SYNE1: variants seen among roughly 807,000 people sequenced by gnomAD.
SYNE1 encodes nesprin-1.
Under a neutral mutation model 1,111.0 loss-of-function variants are expected in SYNE1, and 616 were observed. The observed-to-expected ratio is 0.55, with a 90% CI of 0.52 to 0.59. SYNE1 has a LOEUF of 0.59. Ranked by LOEUF, SYNE1 falls within the 20% of genes least tolerant of loss-of-function variation. The pLI, the probability that SYNE1 is intolerant of heterozygous loss-of-function variation, is 0.00. For synonymous variants in SYNE1, 3,855 were observed against 3,825.8 expected, an observed-to-expected ratio of 1.01 and a Z score of -0.28; for missense variants, 10,006 against 10,417.0, an observed-to-expected ratio of 0.96 and a Z score of 1.72.
intron 61 of SYNE1, chr6:152,367,673 G>A: frequency 2.4e-6 from 1 of 412,284 alleles, no homozygotes; most frequent in South Asian, 2.3e-5. Flanking sequence ...GCCTTGTCTG[G>A]GAGACTGGTC....
intron 30 of SYNE1, among the ~76,000 whole-genome samples, chr6:152,444,193 C>T (rs185901933): frequency 8.7e-4 from 133 of 152,250 alleles, no homozygotes; most frequent in Non-Finnish European, 1.2e-3. Context: ...TCAAGTCACT[C>T]GGTCTGGAAA....
chr6:152,142,516 A>G (rs1438174233), intron 138 of SYNE1, among the ~76,000 whole-genome samples: 2 of 152,236 alleles, frequency 1.3e-5, no homozygotes, highest in Non-Finnish European at 2.9e-5. Flanking sequence ...TTCATTTTTA[A>G]TATCACATAC....
chr6:152,391,976 C>T (rs2154135120), intron 51 of SYNE1, among the ~76,000 whole-genome samples: 2 of 152,302 alleles, frequency 1.3e-5, no homozygotes, highest in South Asian at 4.2e-4. Flanking sequence ...TGTCTTGTAT[C>T]TACATGGAGA....
intron 3 of SYNE1, among the ~76,000 whole-genome samples, chr6:152,606,377 T>C (rs1400062647): frequency 1.3e-5 from 2 of 152,174 alleles, no homozygotes; most frequent in African/African-American, 4.8e-5. Context: ...TGCAAAATTC[T>C]TCAAGGGCAA....
chr6:152,538,561 T>C (rs188009879), intron 4 of SYNE1, among the ~76,000 whole-genome samples: 15 of 152,204 alleles, frequency 9.9e-5, no homozygotes, highest in Admixed American at 3.3e-4. Flanking sequence ...AAAAGTTTCA[T>C]TATTAATATT....
chr6:152,197,587 A>G (rs894848064), intron 127 of SYNE1, among the ~76,000 whole-genome samples: 3 of 152,216 alleles, frequency 2.0e-5, no homozygotes, highest in Non-Finnish European at 2.9e-5. Flanking sequence ...AGTCTTGTAC[A>G]TCTCCATCTC....
In SYNE1 at chr6:152,380,518, A is replaced by G. The variant is rs115807691; in HGVS notation, c.9009+488T>C. On this transcript the variant is annotated intron_variant, in intron 56 of 145. Transcript: ENST00000367255. ...AGAGTTCTGTTAACAGGCTAATTCA[A>G]GAACAGCTGTCAAAACCACACAGAG... 1,031 of 163,130 alleles carry G rather than the reference A, an allele frequency of 6.3e-3. 14 individuals carry two copies. Among genetic ancestry groups the G allele is most frequent in the African/African-American group, 0.024 (983 of 41,566 alleles). The allele number at this position is 163,130 out of a possible 1,614,324, so 10.1% of individuals were successfully genotyped here.
chr6:152,500,256 C>A (rs2099021993), intron 10 of SYNE1, among the ~76,000 whole-genome samples: 1 of 152,168 alleles, frequency 6.6e-6, no homozygotes, highest in Admixed American at 6.5e-5. Flanking sequence ...GCAATATTAT[C>A]AAAACCCAGC....
intron 126 of SYNE1, 126 bp from the exon 127 acceptor site, chr6:152,202,075 G>T (rs761690189): frequency 1.6e-4 from 199 of 1,251,002 alleles, no homozygotes; most frequent in Non-Finnish European, 1.9e-4. Context: ...GGCTGAGTGT[G>T]GTGGCTCACG....
chr6:152,218,087 C>T lies in SYNE1; in HGVS notation c.22191+170G>A, dbSNP rs9479269. On this transcript the variant is annotated intron_variant, in intron 121 of 145. Coordinates refer to ENST00000367255, the MANE Select transcript of SYNE1 (RefSeq NM_182961.4). Reference sequence around the variant, plus strand: ...GCGTGCCCCTATAATCCTAGCTACTCGGGAGGATGAGGCAGAATCGCTTGA... The same window carrying T: ...GCGTGCCCCTATAATCCTAGCTACTTGGGAGGATGAGGCAGAATCGCTTGA... 0.056 allele frequency among the ~76,000 whole-genome samples: 8,546 copies of T among 151,584 alleles called. 829 individuals carry two copies. Among genetic ancestry groups the T allele is most frequent in the African/African-American group, 0.2 (8,116 of 41,242 alleles).
chr6:152,488,656 A>C (rs761203274), intron 11 of SYNE1, among the ~76,000 whole-genome samples, 153 bp from the exon 12 acceptor site: 6 of 152,212 alleles, frequency 3.9e-5, no homozygotes, highest in African/African-American at 7.2e-5. Context: ...CCTTTAGGAC[A>C]GTAAGAAGCA....
intron 128 of SYNE1, among the ~76,000 whole-genome samples, chr6:152,186,539 A>C: frequency 7.5e-6 from 1 of 132,988 alleles, no homozygotes; most frequent in East Asian, 2.4e-4. Context: ...CTGGGCAACA[A>C]GAGAGCAGCT....
At chr6:152,622,307 G>A (rs554387659) in intron 3 of SYNE1, among the ~76,000 whole-genome samples, 1 of 152,166 alleles carries the variant, frequency 6.6e-6, no homozygotes, top group South Asian at 2.1e-4. Context: ...ACATGTGCAG[G>A]TATGTTACAT....
intron 37 of SYNE1, 74 bp from the exon 38 acceptor site, chr6:152,427,890 GAGGGTCCAAC>G: frequency 1.2e-6 from 2 of 1,603,706 alleles, no homozygotes; most frequent in South Asian, 2.2e-5. Context: ...TGTGAAGTTG[GAGGGTCCAAC>G]ACAAACCATA....
At chr6:152,520,322 A>G in intron 6 of SYNE1, 137 bp downstream of exon 6, 1 of 887,096 alleles carries the variant, frequency 1.1e-6, no homozygotes, top group Non-Finnish European at 1.8e-6. Flanking sequence ...GTATTTTATA[A>G]TACAATGATA....
chr6:152,131,159 T>C (rs1444360617), intron 144 of SYNE1, among the ~76,000 whole-genome samples: 1 of 152,070 alleles, frequency 6.6e-6, no homozygotes, highest in Non-Finnish European at 1.5e-5. Context: ...AGTAAAACAG[T>C]GTTAAAATTC....
intron 6 of SYNE1, among the ~76,000 whole-genome samples, chr6:152,515,947 C>G (rs1312715065): frequency 6.6e-6 from 1 of 152,028 alleles, no homozygotes; most frequent in African/African-American, 2.4e-5. Context: ...TCATTATTCC[C>G]TAAGTCAAAC....
intron 14 of SYNE1, among the ~76,000 whole-genome samples, chr6:152,479,187 C>T (rs888364604): frequency 2.0e-5 from 3 of 151,896 alleles, no homozygotes; most frequent in African/African-American, 7.3e-5. Flanking sequence ...AGGACAGGAT[C>T]CTGGGGGAAG....
chr6:152,130,699 G>T, intron 145 of SYNE1, 21 bp downstream of exon 145: 1 of 1,613,896 alleles, frequency 6.2e-7, no homozygotes, highest in South Asian at 1.1e-5. Context: ...GAACAGTGTG[G>T]AAACCAGGAG....
Sources: allele counts gnomAD v4.1 joint callset (sites outside exome capture counted in the v4.1 genomes callset), GRCh38; gene constraint gnomAD v4.1.1; transcripts MANE v1.5; gene names NCBI Gene and HGNC (gene_info 2026-07-23, HGNC 2026-07-21).